NDUFAF2: variants seen among roughly 807,000 people sequenced by gnomAD.
NDUFAF2 encodes the protein NADH dehydrogenase [ubiquinone] 1 alpha subcomplex assembly factor 2.
In NDUFAF2, 13 loss-of-function variants were observed where a neutral mutation model predicts 22.8. The observed-to-expected ratio is 0.57, with a 90% confidence interval of 0.37 to 0.91. The LOEUF (loss-of-function observed/expected upper bound fraction) is 0.91. Ranked by LOEUF, NDUFAF2 falls within the 40% of genes least tolerant of loss-of-function variation. The pLI is 0.01. For missense variants in NDUFAF2, 162 were observed against 195.2 expected (o/e 0.83, Z 1.01); for synonymous variants, 53 against 64.2 (o/e 0.83, Z 0.84).
chr5:61,100,677 A>G (rs983919815), intron 3 of NDUFAF2, among the ~76,000 whole-genome samples: 1 of 152,028 alleles, frequency 6.6e-6, no homozygotes, highest in Non-Finnish European at 1.5e-5. Flanking sequence ...CAGAACCTCA[A>G]CTGAAATCCG....
At chr5:61,019,819 G>T (rs1166747673) in intron 1 of NDUFAF2, among the ~76,000 whole-genome samples, 1 of 151,846 alleles carries the variant, frequency 6.6e-6, no homozygotes, top group East Asian at 1.9e-4. Flanking sequence ...ATCAGATTAT[G>T]TTCACCTCTT....
chr5:61,001,705 T>C (rs1751297914), intron 1 of NDUFAF2, among the ~76,000 whole-genome samples: 1 of 152,118 alleles, frequency 6.6e-6, no homozygotes, highest in African/African-American at 2.4e-5. Flanking sequence ...AAAATATTTT[T>C]ATATTGAAGA....
chr5:61,139,860 C>T (rs1741024223), intron 3 of NDUFAF2, among the ~76,000 whole-genome samples: 1 of 152,238 alleles, frequency 6.6e-6, no homozygotes, highest in Admixed American at 6.5e-5. Context: ...TCCCTACAGC[C>T]TGTCCCTTTC....
intron 2 of NDUFAF2, among the ~76,000 whole-genome samples, chr5:61,090,834 C>T (rs747020650): frequency 9.9e-5 from 15 of 152,058 alleles, no homozygotes; most frequent in Non-Finnish European, 2.1e-4. Flanking sequence ...TCCTCTCCCT[C>T]CTCCCATCCT....
chr5:61,040,230 A>G (rs1364689774), intron 1 of NDUFAF2, among the ~76,000 whole-genome samples: 2 of 149,782 alleles, frequency 1.3e-5, no homozygotes, highest in African/African-American at 2.4e-5. Flanking sequence ...AATGACTGGT[A>G]TCTTTATAGG....
At chr5:61,058,949 A>G (rs1349668161) in intron 1 of NDUFAF2, among the ~76,000 whole-genome samples, 2 of 152,030 alleles carry the variant, frequency 1.3e-5, no homozygotes, top group Non-Finnish European at 2.9e-5. Context: ...TGGAGAGTAG[A>G]TCAGGTGTAA....
intron 1 of NDUFAF2, among the ~76,000 whole-genome samples, chr5:61,008,484 C>G (rs1208990459): frequency 6.6e-6 from 1 of 152,050 alleles, no homozygotes; most frequent in Non-Finnish European, 1.5e-5. Flanking sequence ...AATAGTTCAT[C>G]CACACCTTAT....
chr5:61,031,057 G>A (rs1290242723), intron 1 of NDUFAF2, among the ~76,000 whole-genome samples: 1 of 152,012 alleles, frequency 6.6e-6, no homozygotes, highest in Non-Finnish European at 1.5e-5. Flanking sequence ...GTTTTATATA[G>A]ACTCCTTGAG....
intron 2 of NDUFAF2, among the ~76,000 whole-genome samples, chr5:61,088,514 T>C (rs1484995613): frequency 6.6e-6 from 1 of 152,102 alleles, no homozygotes; most frequent in East Asian, 1.9e-4. Flanking sequence ...TGTCTGTTGA[T>C]TGTGGTGCTA....
intron 1 of NDUFAF2, among the ~76,000 whole-genome samples, chr5:61,012,880 T>C (rs1751458966): frequency 6.6e-6 from 1 of 152,132 alleles, no homozygotes; most frequent in African/African-American, 2.4e-5. Flanking sequence ...ATTTCTTCTA[T>C]AGTAGTTTCA....
At chr5:61,134,721 C>T (rs1380122360) in intron 3 of NDUFAF2, among the ~76,000 whole-genome samples, 2 of 151,888 alleles carry the variant, frequency 1.3e-5, no homozygotes, top group East Asian at 3.9e-4. Flanking sequence ...AAATTAATTC[C>T]CCCCCCAAAA....
intron 1 of NDUFAF2, among the ~76,000 whole-genome samples, chr5:60,973,812 G>T (rs1471091376): frequency 6.6e-6 from 1 of 152,050 alleles, no homozygotes; most frequent in Non-Finnish European, 1.5e-5. Context: ...CTTCCCGGAG[G>T]TTATTTTATT....
At chr5:61,006,532 C>T (rs1039825343) in intron 1 of NDUFAF2, among the ~76,000 whole-genome samples, 9 of 152,100 alleles carry the variant, frequency 5.9e-5, no homozygotes, top group African/African-American at 2.2e-4. Context: ...TTACCTTGGG[C>T]AGTGTGGCCA....
At chr5:61,136,582 T>C (rs904365630) in intron 3 of NDUFAF2, among the ~76,000 whole-genome samples, 1 of 152,194 alleles carries the variant, frequency 6.6e-6, no homozygotes, top group Non-Finnish European at 1.5e-5. Context: ...CTTCTTTACT[T>C]AATTTTGTGT....
intron 1 of NDUFAF2, among the ~76,000 whole-genome samples, chr5:61,009,076 C>T (rs1241892226): frequency 6.6e-6 from 1 of 151,950 alleles, no homozygotes. Flanking sequence ...TTGTTATCTT[C>T]ATAGTTTACA....
At chr5:61,141,097 C>T (rs1303252231) in intron 3 of NDUFAF2, among the ~76,000 whole-genome samples, 1 of 152,042 alleles carries the variant, frequency 6.6e-6, no homozygotes, top group Non-Finnish European at 1.5e-5. Flanking sequence ...CGTGGTGGCA[C>T]ATGCCTGTAA....
intron 2 of NDUFAF2, chr5:61,083,280 A>T (rs899645827): frequency 6.6e-6 from 1 of 151,720 alleles, no homozygotes; most frequent in Non-Finnish European, 1.5e-5. Context: ...TTGATGTCTT[A>T]CATTTAAGTC....
chr5:61,122,623 C>T (rs1752989942), intron 3 of NDUFAF2, among the ~76,000 whole-genome samples: 1 of 152,290 alleles, frequency 6.6e-6, no homozygotes, highest in African/African-American at 2.4e-5. Context: ...TTTGTATGGC[C>T]TAAGAGCCAC....
At chr5:61,040,997 C>T (rs980604126) in intron 1 of NDUFAF2, among the ~76,000 whole-genome samples, 23 of 152,036 alleles carry the variant, frequency 1.5e-4, no homozygotes, top group Non-Finnish European at 2.9e-4. Context: ...TAATTTTGCT[C>T]CAATATTATA....
Sources: allele counts gnomAD v4.1 joint callset (sites outside exome capture counted in the v4.1 genomes callset), GRCh38; gene constraint gnomAD v4.1.1; transcripts MANE v1.5; gene names NCBI Gene and HGNC (gene_info 2026-07-23, HGNC 2026-07-21).